IL1RAPL2: variants seen among roughly 807,000 people sequenced by gnomAD.
The protein encoded by IL1RAPL2 is X-linked interleukin-1 receptor accessory protein-like 2.
IL1RAPL2 carries 3 observed loss-of-function variants against 44.1 expected under a neutral mutation model. The ratio of observed to expected loss-of-function variants is 0.07; its 90% CI spans 0.03 to 0.18. The LOEUF is 0.18. Ranked by LOEUF, IL1RAPL2 falls within the 10% of genes least tolerant of loss-of-function variation. The pLI, the probability that IL1RAPL2 is intolerant of heterozygous loss-of-function variation, is 1.00. For missense variants in IL1RAPL2, 391 were observed against 496.4 expected (o/e 0.79, Z 2.02); for synonymous variants, 181 against 178.8 (o/e 1.01, Z -0.10).
At chrX:105,730,295 A>G (rs899231982) in intron 7 of IL1RAPL2, among the ~76,000 whole-genome samples, 12 of 111,147 alleles carry the variant, frequency 1.1e-4, no homozygotes, top group African/African-American at 3.9e-4. Context: ...TGATAAAGTG[A>G]TCAATTTGGT....
At chrX:105,688,810 T>G (rs1206965662) in intron 6 of IL1RAPL2, among the ~76,000 whole-genome samples, 1 of 111,928 alleles carries the variant, frequency 8.9e-6, no homozygotes, top group Non-Finnish European at 1.9e-5. Context: ...TCACGCTACC[T>G]GACTTCAAAC....
intron 8 of IL1RAPL2, among the ~76,000 whole-genome samples, chrX:105,748,280 T>A (rs1169925622): frequency 8.9e-6 from 1 of 112,366 alleles, no homozygotes; most frequent in East Asian, 2.8e-4. Context: ...TGCTATCAGG[T>A]AGGCTGGTGT....
intron 6 of IL1RAPL2, among the ~76,000 whole-genome samples, chrX:105,678,692 A>G (rs1482651354): frequency 9.0e-6 from 1 of 110,759 alleles, no homozygotes; most frequent in Non-Finnish European, 1.9e-5. Context: ...AGGAGTCAAT[A>G]GGGTAATAGC....
intron 2 of IL1RAPL2, among the ~76,000 whole-genome samples, chrX:105,167,064 C>G (rs2033377131): frequency 8.9e-6 from 1 of 111,946 alleles, no homozygotes; most frequent in Admixed American, 9.5e-5. Context: ...TTGATCTTGC[C>G]CTTCTTCAAC....
intron 2 of IL1RAPL2, among the ~76,000 whole-genome samples, chrX:104,914,151 G>A (rs929984475): frequency 8.9e-5 from 10 of 111,781 alleles, no homozygotes; most frequent in Non-Finnish European, 1.9e-4. Context: ...ACTCTCTGAA[G>A]TTAGGGCCTG....
intron 2 of IL1RAPL2, among the ~76,000 whole-genome samples, chrX:105,034,862 G>C (rs1254849630): frequency 8.9e-6 from 1 of 112,347 alleles, no homozygotes; most frequent in Non-Finnish European, 1.9e-5. Flanking sequence ...GAATCAGGAA[G>C]GCCTCCTTGA....
chrX:104,956,461 AGTGTGTGT>A (rs59541869), intron 2 of IL1RAPL2, among the ~76,000 whole-genome samples: 3 of 84,090 alleles, frequency 3.6e-5, no homozygotes, highest in Middle Eastern at 6.0e-3. Context: ...GTCTCTACTA[AGTGTGTGT>A]GTGTGTGTGT....
chrX:105,184,784 G>GA (rs1389367739), intron 2 of IL1RAPL2, among the ~76,000 whole-genome samples: 2 of 109,529 alleles, frequency 1.8e-5, no homozygotes, highest in African/African-American at 3.3e-5. Flanking sequence ...ACCTAAATTT[G>GA]AAAAAAAATG....
At chrX:105,219,429 T>C in intron 3 of IL1RAPL2, 1 of 1,210,110 alleles carries the variant, frequency 8.3e-7, no homozygotes, top group Non-Finnish European at 1.1e-6. Flanking sequence ...AGGTGTACTT[T>C]TCCTGATCAG....
At chrX:104,591,474 A>C (rs1928663727) in intron 1 of IL1RAPL2, among the ~76,000 whole-genome samples, 1 of 111,942 alleles carries the variant, frequency 8.9e-6, no homozygotes, top group Admixed American at 9.5e-5. Flanking sequence ...ACTTGCGAAT[A>C]AGCTGTATAA....
At chrX:105,536,434 A>T (rs2147795251) in intron 6 of IL1RAPL2, among the ~76,000 whole-genome samples, 1 of 109,422 alleles carries the variant, frequency 9.1e-6, no homozygotes, top group South Asian at 3.9e-4. Context: ...GTAAAAAAAA[A>T]AAAAAAGGAA....
intron 2 of IL1RAPL2, among the ~76,000 whole-genome samples, chrX:105,105,081 A>AT (rs774680946): frequency 1.8e-5 from 2 of 111,945 alleles, no homozygotes; most frequent in Non-Finnish European, 3.8e-5. Context: ...GAATGGATGA[A>AT]TTTTTTATTA....
chrX:105,042,680 G>A (rs1282669731), intron 2 of IL1RAPL2, among the ~76,000 whole-genome samples: 2 of 102,983 alleles, frequency 1.9e-5, no homozygotes, highest in Non-Finnish European at 2.0e-5. Context: ...CGATTCCTCA[G>A]GGATCTAGAA....
intron 1 of IL1RAPL2, among the ~76,000 whole-genome samples, chrX:104,577,140 T>C (rs1199392924): frequency 8.9e-6 from 1 of 112,076 alleles, no homozygotes; most frequent in Non-Finnish European, 1.9e-5. Context: ...CCCTAGTGTT[T>C]TGTTCAAAGT....
chrX:105,477,714 GT>G lies in IL1RAPL2; in HGVS notation c.698-6598del, dbSNP rs765512010. On this transcript the variant is annotated intron_variant, in intron 5 of 10. Coordinates refer to ENST00000372582, the MANE Select transcript of IL1RAPL2 (RefSeq NM_017416.2). Reference sequence around the variant, plus strand: ...CTTCTCACATGAAAGCTATTCCCAAGTCTTTCTTCCCAAAATCCTCAATTCC... The same window carrying G: ...CTTCTCACATGAAAGCTATTCCCAAGCTTTCTTCCCAAAATCCTCAATTCC... Among the ~76,000 whole-genome samples, 288 of 111,721 alleles carry G rather than the reference GT, an allele frequency of 2.6e-3. 2 individuals are homozygous for G. Among genetic ancestry groups the G allele is most frequent in the African/African-American group, 9.1e-3 (280 of 30,795 alleles).
chrX:105,138,884 G>A (rs1016107029), intron 2 of IL1RAPL2, among the ~76,000 whole-genome samples: 2 of 111,052 alleles, frequency 1.8e-5, no homozygotes, highest in African/African-American at 6.6e-5. Context: ...CTATATGGTG[G>A]AAGCCTGTGA....
At chrX:105,588,466 G>A (rs921866503) in intron 6 of IL1RAPL2, among the ~76,000 whole-genome samples, 1 of 111,684 alleles carries the variant, frequency 9.0e-6, no homozygotes, top group African/African-American at 3.3e-5. Flanking sequence ...CCGGGGTTTG[G>A]TGTACTGATT....
At chrX:105,220,033 C>G (rs1307987026) in intron 3 of IL1RAPL2, 4 of 1,211,305 alleles carry the variant, frequency 3.3e-6, no homozygotes, top group Non-Finnish European at 4.5e-6. Context: ...CGCCTCCTTG[C>G]GTTCCGTCTC....
intron 2 of IL1RAPL2, among the ~76,000 whole-genome samples, chrX:104,868,440 C>T (rs887537036): frequency 1.3e-4 from 15 of 111,781 alleles, no homozygotes; most frequent in African/African-American, 3.6e-4. Context: ...AAAATACCGA[C>T]GAAAACAACG....
Sources: allele counts gnomAD v4.1 joint callset (sites outside exome capture counted in the v4.1 genomes callset), GRCh38; gene constraint gnomAD v4.1.1; transcripts MANE v1.5; gene names NCBI Gene and HGNC (gene_info 2026-07-23, HGNC 2026-07-21).